STAP2: variants seen among roughly 807,000 people sequenced by gnomAD.
STAP2 encodes the protein signal transducing adaptor family member 2.
A neutral mutation model predicts 52.7 loss-of-function variants in STAP2; 58 were observed. That is an observed-to-expected ratio of 1.10 (90% CI 0.89 to 1.37). STAP2 has a LOEUF of 1.37. STAP2 is among the 40% of genes most tolerant of loss of function. STAP2 has a pLI of 0.00. For synonymous variants in STAP2, 231 were observed against 210.5 expected (o/e 1.10, Z -0.84); for missense variants, 522 against 519.4 (o/e 1.00, Z -0.05).
At position 4,325,474 on chromosome 19, in the gene STAP2, GCA is replaced by G. The variant is rs779515091; in HGVS notation, c.899_900del (p.Leu300ProfsTer21). 6.2e-7 allele frequency: 1 copy of G among 1,613,768 alleles called. No individual in the cohort carries two copies. The highest frequency in any genetic ancestry group is 1.1e-5 in the South Asian group (1 of 91,014). On this transcript the variant is annotated frameshift_variant, in exon 10 of 13. Coordinates refer to ENST00000594605, the MANE Select transcript of STAP2 (RefSeq NM_001013841.2). LOFTEE classifies it high-confidence loss of function. ...TTCTCTTCCTGGTTCGGTAGTGGGGGCAGTGGGGGCAGCTTGTCCTGGCTAGA... is the reference window on the plus strand; with the variant it reads ...TTCTCTTCCTGGTTCGGTAGTGGGGGGTGGGGGCAGCTTGTCCTGGCTAGA... Reference protein sequence around the residue: ...PASSQDKLPPLPPLPNQEENY... With the variant: ...PASSQDKLPPXPPLPNQEENY...
chr19:4,338,120 G>GCACACACACACA (rs150161206), intron 1 of STAP2: 1 of 151,366 alleles, frequency 6.6e-6, no homozygotes, highest in African/African-American at 2.4e-5. Flanking sequence ...GGAGACATAA[G>GCACACACACACA]CACACACACA....
intron 3 of STAP2, among the ~76,000 whole-genome samples, chr19:4,333,256 A>C (rs990129706): frequency 3.9e-5 from 6 of 152,066 alleles, no homozygotes; most frequent in Admixed American, 1.3e-4. Context: ...GCAGTTTGGG[A>C]AGCCGAGGTG....
chr19:4,330,382 C>A (rs570738636), intron 4 of STAP2, among the ~76,000 whole-genome samples: 1 of 151,768 alleles, frequency 6.6e-6, no homozygotes, highest in Admixed American at 6.6e-5. Context: ...ATTAGCCGGG[C>A]GTGGTGGCAG....
At chr19:4,330,620 A>G (rs1380448418) in intron 4 of STAP2, among the ~76,000 whole-genome samples, 1 of 151,800 alleles carries the variant, frequency 6.6e-6, no homozygotes, top group Non-Finnish European at 1.5e-5. Context: ...CTCAAACTCA[A>G]TGGCCTGCCA....
intron 7 of STAP2, 41 bp from the exon 8 acceptor site, chr19:4,327,267 G>A (rs1278817253): frequency 1.6e-5 from 26 of 1,614,096 alleles, no homozygotes; most frequent in Non-Finnish European, 2.0e-5. Flanking sequence ...CTGGAGAAGG[G>A]ACGCGGACCC....
chr19:4,338,765 G>A lies in STAP2; in HGVS notation c.-12C>T, dbSNP rs1178574224. ...AGGGCAGAGGCCATGACGGAGCCAGGGTCTTCCGCCTGGCCTCTCCTTCCA... is the reference window on the plus strand; with the variant it reads ...AGGGCAGAGGCCATGACGGAGCCAGAGTCTTCCGCCTGGCCTCTCCTTCCA... On this transcript the variant is annotated 5_prime_UTR_variant, in exon 1 of 13. Transcript: ENST00000594605. 3.1e-6 allele frequency: 5 copies of A among 1,607,884 alleles called. No homozygotes were observed. The Admixed American group carries it at 8.4e-5, about 27-fold the overall frequency.
In STAP2 at chr19:4,327,518, C is replaced by A. The variant is rs1050279408; in HGVS notation, c.591-133G>T. The stretch of plus-strand genomic sequence containing the variant: ...TACTGGCTCCGCCCCCACAGAAGGC[C>A]CCGCCACTGACTGGTTCCACCCCAT... On this transcript the variant is annotated intron_variant, in intron 6 of 12. Transcript: ENST00000594605. The A allele has an allele frequency of 1.1e-5, 10 of 939,686 alleles. No homozygotes were observed. In the African/African-American group the frequency reaches 1.5e-4, roughly 14 times the overall value. The allele number at this position is 939,686 out of a possible 1,614,324, so 58.2% of individuals were successfully genotyped here. A position where few individuals can be genotyped will look rare whatever the true frequency, so the allele number is the denominator to read the frequency against.
At chr19:4,324,277 C>T in intron 12 of STAP2, 80 bp from the exon 13 acceptor site, 1 of 1,460,878 alleles carries the variant, frequency 6.8e-7, no homozygotes, top group Non-Finnish European at 9.3e-7. Flanking sequence ...CACCCAGGAC[C>T]AGCTACAGAT....
Position 4,328,722 on chromosome 19 carries a change from C to T in STAP2, c.543G>A (p.Gly181=). The part of the protein sequence containing the change: ...ECGNLLLRPS[G]DGADGVSVTT... ...TGACCGACACGCCGTCGGCGCCGTC[C>T]CCGCTGGGCCGCAGCAGCAGGTTCC... is the stretch of plus-strand genomic sequence containing the variant. Residue 181 remains glycine, a synonymous_variant, in exon 6 of 13, where the codon GGG becomes GGA. Coordinates refer to ENST00000594605, the MANE Select transcript of STAP2 (RefSeq NM_001013841.2). 6.2e-7 allele frequency: 1 copy of T among 1,608,238 alleles called. No individual in the cohort carries two copies. The highest frequency in any genetic ancestry group is 8.5e-7 in the Non-Finnish European group (1 of 1,178,070).
At position 4,330,197 on chromosome 19, in the gene STAP2, C is replaced by T. The variant is rs554869129; in HGVS notation, c.355-136G>A. ...ACACCTTAGAGGGCAAAGAGGGCTTCGAGAGGGTTGCAGAGGAGTGTTGCA... is the reference window on the plus strand; with the variant it reads ...ACACCTTAGAGGGCAAAGAGGGCTTTGAGAGGGTTGCAGAGGAGTGTTGCA... On this transcript the variant is annotated intron_variant, in intron 4 of 12. Transcript: ENST00000594605. 327 of 680,028 alleles carry T rather than the reference C, an allele frequency of 4.8e-4. 3 individuals carry two copies. In the South Asian group the frequency reaches 5.3e-3, roughly 11 times the overall value. The allele number at this position is 680,028 out of a possible 1,614,324, so 42.1% of individuals were successfully genotyped here.
In STAP2 at chr19:4,325,128, G is replaced by A. The variant is rs1971765697; in HGVS notation, c.1072+88C>T. The A allele has an allele frequency of 8.6e-6, 10 of 1,157,666 alleles. No homozygotes were observed. In the Admixed American group the frequency reaches 2.0e-4, roughly 23 times the overall value. The allele number at this position is 1,157,666 out of a possible 1,614,324, so 71.7% of individuals were successfully genotyped here. On this transcript the variant is annotated intron_variant, in intron 11 of 12. Coordinates refer to ENST00000594605, the MANE Select transcript of STAP2 (RefSeq NM_001013841.2). ...CACTCCAGCCTGGGCGACAGAGTGA[G>A]ACTGTCTCAAAAAAAAAAAAAAAAG...
At chr19:4,326,045 TACAC>T (rs764494306) in intron 9 of STAP2, among the ~76,000 whole-genome samples, 5 of 152,192 alleles carry the variant, frequency 3.3e-5, no homozygotes, top group African/African-American at 4.8e-5. Flanking sequence ...GCAACGTTTG[TACAC>T]ACACACCTGT....
rs181524547 is a variant in STAP2, at chr19:4,329,951, G to A, written c.455+10C>T. 6.2e-6 allele frequency: 10 copies of A among 1,610,360 alleles called. No homozygotes were observed. In the Admixed American group the frequency reaches 1.7e-4, roughly 27 times the overall value. On this transcript the variant is annotated intron_variant, in intron 5 of 12. Coordinates refer to ENST00000594605, the MANE Select transcript of STAP2 (RefSeq NM_001013841.2). Reference sequence around the variant, plus strand: ...ATCCTGCAGCCCCTCGGGACAGGCGGGACACTCACGAGGGTGTCTCCAGTG... The same window carrying A: ...ATCCTGCAGCCCCTCGGGACAGGCGAGACACTCACGAGGGTGTCTCCAGTG...
chr19:4,325,825 G>T (rs935213396), intron 9 of STAP2, among the ~76,000 whole-genome samples: 1 of 152,122 alleles, frequency 6.6e-6, no homozygotes, highest in Non-Finnish European at 1.5e-5. Context: ...ACAAAAATTA[G>T]CTTGGCGTGG....
rs771947497 is a variant in STAP2, at chr19:4,327,272, G to A, written c.660+44C>T. ...GGTCAGGCTGCTGGAGAAGGGACGC[G>A]GACCCCACAAAGTCACTTCTAGGGA... On this transcript the variant is annotated intron_variant, in intron 7 of 12. Transcript: ENST00000594605. The A allele has an allele frequency of 1.9e-6, 3 of 1,613,696 alleles. No homozygotes were observed. In the East Asian group the frequency reaches 6.7e-5, roughly 36 times the overall value.
intron 4 of STAP2, 53 bp from the exon 5 acceptor site, chr19:4,330,114 G>A: frequency 6.9e-7 from 1 of 1,455,960 alleles, no homozygotes; most frequent in Non-Finnish European, 9.6e-7. Context: ...GGAATGGACG[G>A]CTGTGCCCAA....
intron 4 of STAP2, 95 bp downstream of exon 4, chr19:4,331,927 G>A (rs1213018648): frequency 1.3e-5 from 18 of 1,354,766 alleles, no homozygotes; most frequent in Middle Eastern, 1.9e-4. Flanking sequence ...GCGAGACTCC[G>A]TCTCAAAAAA....
Position 4,338,815 on chromosome 19 carries a change from A to C in STAP2, c.-62T>G. 6.4e-7 allele frequency: 1 copy of C among 1,566,692 alleles called. No individual in the cohort carries two copies. The highest frequency in any genetic ancestry group is 1.7e-4 in the Middle Eastern group (1 of 5,766). ...AGTGGGTGCCCCAGCTGGGCCGGGA[A>C]GCTGAGAAACAGGTTTCAGGGGAGT... On this transcript the variant is annotated 5_prime_UTR_variant, in exon 1 of 13. Transcript: ENST00000594605.
chr19:4,331,976 A>G (rs1369849140), intron 4 of STAP2, 46 bp downstream of exon 4: 1 of 1,563,008 alleles, frequency 6.4e-7, no homozygotes, highest in African/African-American at 1.4e-5. Flanking sequence ...CTTTTTGAGG[A>G]GATCTGGAGA....
Sources: gnomAD v4.1 joint callset for allele counts (sites outside exome capture counted in the v4.1 genomes callset) on GRCh38, gnomAD v4.1.1 for gene constraint, MANE v1.5 for transcripts, NCBI Gene and HGNC (gene_info 2026-07-23, HGNC 2026-07-21) for gene names.